HDAC9: variants seen among roughly 807,000 people sequenced by gnomAD.
HDAC9 encodes MEF-2 interacting transcription repressor (MITR) protein.
HDAC9 carries 41 observed loss-of-function variants against 139.4 expected under a neutral mutation model. That is an observed-to-expected ratio of 0.29 (90% CI 0.23 to 0.38). The LOEUF (loss-of-function observed/expected upper bound fraction) is 0.38. Ranked by LOEUF, HDAC9 falls within the 10% of genes least tolerant of loss-of-function variation. HDAC9 has a pLI of 1.00. For missense variants in HDAC9, 1,147 were observed against 1,297.0 expected (o/e 0.88, Z 1.78); for synonymous variants, 517 against 476.2 (o/e 1.09, Z -1.12).
At chr7:18,295,679 TATCAAG>T (rs756768486) in intron 1 of HDAC9, among the ~76,000 whole-genome samples, 1 of 152,142 alleles carries the variant, frequency 6.6e-6, no homozygotes, top group Non-Finnish European at 1.5e-5. Flanking sequence ...GTATTCCCAA[TATCAAG>T]ATTACCAGGT....
chr7:18,463,196 G>T, intron 1 of HDAC9, among the ~76,000 whole-genome samples: 1 of 151,934 alleles, frequency 6.6e-6, no homozygotes, highest in East Asian at 1.9e-4. Context: ...TTACGAATGA[G>T]ATTAGTTTGT....
intron 2 of HDAC9, among the ~76,000 whole-genome samples, chr7:18,194,562 T>G (rs768942433): frequency 9.9e-5 from 15 of 152,184 alleles, no homozygotes; most frequent in Non-Finnish European, 1.9e-4. Flanking sequence ...GCCTCTTCGA[T>G]TCTTAACAAG....
At chr7:18,396,201 G>A (rs1787042869) in intron 1 of HDAC9, among the ~76,000 whole-genome samples, 1 of 145,650 alleles carries the variant, frequency 6.9e-6, no homozygotes, top group Non-Finnish European at 1.5e-5. Flanking sequence ...GGGACATTGT[G>A]TGCCAGGTAC....
chr7:18,678,965 C>A (rs550060542), intron 12 of HDAC9, among the ~76,000 whole-genome samples: 2 of 151,908 alleles, frequency 1.3e-5, no homozygotes, highest in Non-Finnish European at 2.9e-5. Context: ...TTTGTGAGTT[C>A]TCTGGAGCAT....
chr7:18,114,746 A>G (rs1406327420), intron 1 of HDAC9, among the ~76,000 whole-genome samples: 5 of 152,246 alleles, frequency 3.3e-5, no homozygotes, highest in Non-Finnish European at 7.3e-5. Flanking sequence ...AGATAAGCAA[A>G]GAGGAAAGTG....
intron 1 of HDAC9, among the ~76,000 whole-genome samples, chr7:18,094,420 C>G (rs1440679101): frequency 6.6e-6 from 1 of 151,876 alleles, no homozygotes; most frequent in Non-Finnish European, 1.5e-5. Flanking sequence ...CTGGACCCAG[C>G]CTATCTTTGT....
At chr7:18,322,567 G>C (rs1455202354) in intron 1 of HDAC9, among the ~76,000 whole-genome samples, 1 of 152,074 alleles carries the variant, frequency 6.6e-6, no homozygotes, top group Admixed American at 6.6e-5. Context: ...ATATTGAAAG[G>C]ATCTAATTCT....
At chr7:18,535,550 A>G (rs989320551) in intron 2 of HDAC9, among the ~76,000 whole-genome samples, 2 of 151,756 alleles carry the variant, frequency 1.3e-5, no homozygotes, top group Non-Finnish European at 2.9e-5. Flanking sequence ...TATTATATCT[A>G]CATACATTCA....
chr7:18,209,720 A>T (rs1215933005), intron 2 of HDAC9, among the ~76,000 whole-genome samples: 1 of 149,724 alleles, frequency 6.7e-6, no homozygotes, highest in African/African-American at 2.5e-5. Context: ...TTTTTTTTTG[A>T]GACAGAGTCT....
At chr7:18,554,035 C>T (rs535543158) in intron 2 of HDAC9, among the ~76,000 whole-genome samples, 1 of 152,244 alleles carries the variant, frequency 6.6e-6, no homozygotes, top group South Asian at 2.1e-4. Flanking sequence ...GTTTCTCTGG[C>T]TCCTGCCTAG....
intron 2 of HDAC9, among the ~76,000 whole-genome samples, chr7:18,543,860 T>C (rs1259001910): frequency 6.7e-6 from 1 of 148,776 alleles, no homozygotes; most frequent in Non-Finnish European, 1.5e-5. Context: ...TATTTAAAAG[T>C]CCTGGACTCG....
intron 24 of HDAC9, among the ~76,000 whole-genome samples, chr7:18,955,371 A>G (rs1435425884): frequency 6.6e-6 from 1 of 152,168 alleles, no homozygotes; most frequent in Admixed American, 6.6e-5. Context: ...GGAATCTTGT[A>G]GTGATCTTTG....
At chr7:18,359,840 C>G (rs1271027891) in intron 1 of HDAC9, among the ~76,000 whole-genome samples, 1 of 152,170 alleles carries the variant, frequency 6.6e-6, no homozygotes, top group Non-Finnish European at 1.5e-5. Flanking sequence ...AACTCCTGAC[C>G]TCAGGTGATC....
At chr7:18,491,551 C>T (rs1003240899), upstream of HDAC9, among the ~76,000 whole-genome samples, 13 of 151,940 alleles carry the variant, frequency 8.6e-5, no homozygotes, top group Admixed American at 2.0e-4. Context: ...GTCAACAACA[C>T]GCATATAGTT....
At chr7:18,398,548 A>G (rs1787260068) in intron 1 of HDAC9, among the ~76,000 whole-genome samples, 1 of 151,960 alleles carries the variant, frequency 6.6e-6, no homozygotes, top group African/African-American at 2.4e-5. Context: ...ATTGTGATGG[A>G]CTTTATAGTT....
chr7:18,668,600 T>G, intron 12 of HDAC9: 1 of 982,772 alleles, frequency 1.0e-6, no homozygotes, highest in Non-Finnish European at 1.2e-6. Flanking sequence ...CGTTAATTGT[T>G]TGAATTTGAT....
intron 22 of HDAC9, among the ~76,000 whole-genome samples, chr7:18,934,135 G>A (rs377332594): frequency 2.6e-5 from 4 of 152,074 alleles, no homozygotes; most frequent in African/African-American, 9.7e-5. Flanking sequence ...GGAAACGCCT[G>A]TAAAAATATA....
At chr7:18,280,643 G>GC (rs1562830079) in intron 2 of HDAC9, among the ~76,000 whole-genome samples, 2 of 150,472 alleles carry the variant, frequency 1.3e-5, no homozygotes, top group Admixed American at 6.6e-5. Context: ...TGCACTTATA[G>GC]TCCCAGCTAC....
At chr7:18,653,253 A>C (rs1201445385) in intron 11 of HDAC9, among the ~76,000 whole-genome samples, 6 of 151,922 alleles carry the variant, frequency 3.9e-5, no homozygotes, top group Non-Finnish European at 8.8e-5. Flanking sequence ...AAAAAAAAAA[A>C]AAAACCAGTA....
Sources: allele counts gnomAD v4.1 joint callset (sites outside exome capture counted in the v4.1 genomes callset), GRCh38; gene constraint gnomAD v4.1.1; transcripts MANE v1.5; gene names NCBI Gene and HGNC (gene_info 2026-07-23, HGNC 2026-07-21).